Variants in MBNL1 observed in about 807,000 individuals in gnomAD.
The protein encoded by MBNL1 is muscleblind like splicing regulator 1.
In MBNL1, 8 loss-of-function variants were observed where a neutral mutation model predicts 42.2. That is an observed-to-expected ratio of 0.19 (90% CI 0.11 to 0.34). The LOEUF is 0.34. Among genes scored for constraint, MBNL1 ranks in the 10% least tolerant of loss-of-function variants. The pLI is 1.00. For synonymous variants in MBNL1, 169 were observed against 173.9 expected, an observed-to-expected ratio of 0.97 and a Z score of 0.22; for missense variants, 309 against 495.3, an observed-to-expected ratio of 0.62 and a Z score of 3.57.
At chr3:152,405,723 A>G (rs1579699662) in intron 2 of MBNL1, among the ~76,000 whole-genome samples, 2 of 152,156 alleles carry the variant, frequency 1.3e-5, no homozygotes, top group African/African-American at 4.8e-5. Flanking sequence ...GTCATACTGT[A>G]AATCCACCTA....
At chr3:152,290,889 C>T (rs894589850) in intron 1 of MBNL1, among the ~76,000 whole-genome samples, 3 of 152,036 alleles carry the variant, frequency 2.0e-5, no homozygotes, top group East Asian at 3.8e-4. Flanking sequence ...TTGACAGATT[C>T]GGGTTGGGTC....
chr3:152,282,147 G>A (rs921969073), intron 1 of MBNL1, among the ~76,000 whole-genome samples: 2 of 152,102 alleles, frequency 1.3e-5, no homozygotes, highest in East Asian at 1.9e-4. Flanking sequence ...GTGATTCCCT[G>A]TATTGAATAC....
chr3:152,421,011 G>A (rs1228654889), intron 3 of MBNL1, among the ~76,000 whole-genome samples: 2 of 152,114 alleles, frequency 1.3e-5, no homozygotes, highest in Non-Finnish European at 2.9e-5. Context: ...GTGGAAGAAA[G>A]GATATCAGAG....
chr3:152,307,668 G>A (rs1253991233), intron 2 of MBNL1, among the ~76,000 whole-genome samples: 1 of 152,128 alleles, frequency 6.6e-6, no homozygotes, highest in African/African-American at 2.4e-5. Flanking sequence ...ATGTGGACTT[G>A]GAGCCTCGTA....
intron 2 of MBNL1, among the ~76,000 whole-genome samples, chr3:152,304,267 G>A (rs1253742829): frequency 2.0e-5 from 3 of 152,106 alleles, no homozygotes; most frequent in African/African-American, 4.8e-5. Flanking sequence ...TAGTCCCAAA[G>A]GTGGTTATAG....
At chr3:152,257,254 C>A (rs553878635) in intron 2 of MBNL1, among the ~76,000 whole-genome samples, 3 of 152,186 alleles carry the variant, frequency 2.0e-5, no homozygotes, top group African/African-American at 7.2e-5. Context: ...AACCAAGAAG[C>A]AAACCTATTA....
At chr3:152,245,307 A>G (rs998301342) in intron 2 of MBNL1, among the ~76,000 whole-genome samples, 52 of 152,158 alleles carry the variant, frequency 3.4e-4, no homozygotes, top group Non-Finnish European at 1.6e-4. Flanking sequence ...CTTCCTTTTA[A>G]AAGCTGTTGG....
chr3:152,297,014 T>C (rs1333048777), intron 1 of MBNL1, among the ~76,000 whole-genome samples: 1 of 152,102 alleles, frequency 6.6e-6, no homozygotes, highest in Non-Finnish European at 1.5e-5. Context: ...ACGATATGGA[T>C]GGATAGAGAT....
At chr3:152,364,440 A>ATCG (rs2096230387) in intron 2 of MBNL1, among the ~76,000 whole-genome samples, 1 of 152,064 alleles carries the variant, frequency 6.6e-6, no homozygotes, top group East Asian at 1.9e-4. Context: ...AGGAAGGATA[A>ATCG]ATTCATTACA....
intron 3 of MBNL1, among the ~76,000 whole-genome samples, chr3:152,432,003 T>A (rs2153750076): frequency 6.6e-6 from 1 of 152,354 alleles, no homozygotes; most frequent in African/African-American, 2.4e-5. Context: ...CCTTGACCAA[T>A]CATGTAGCAT....
rs192935116 is a variant in MBNL1, at chr3:152,438,484, C to A, written c.549+5564C>A. Among the ~76,000 whole-genome samples, 250 of 152,290 alleles carry A rather than the reference C, an allele frequency of 1.6e-3. 2 individuals carry two copies. The highest frequency in any genetic ancestry group is 0.013 in the Admixed American group (201 of 15,302). On this transcript the variant is annotated intron_variant, in intron 4 of 9. Coordinates refer to ENST00000324210, the MANE Select transcript of MBNL1 (RefSeq NM_021038.5). ...AATGTTTATCATGTGTTAACATTCT[C>A]CTTGGAAACATGTTTGCATTTTGAG...
intron 2 of MBNL1, among the ~76,000 whole-genome samples, chr3:152,390,987 A>G (rs1029228141): frequency 3.3e-5 from 5 of 152,334 alleles, no homozygotes; most frequent in Non-Finnish European, 7.4e-5. Flanking sequence ...AACAACAGCT[A>G]TACTCTACCT....
chr3:152,455,321 GCA>G (rs899469704), intron 6 of MBNL1, among the ~76,000 whole-genome samples: 58 of 152,272 alleles, frequency 3.8e-4, no homozygotes, highest in African/African-American at 1.3e-3. Context: ...AAGTGTACCA[GCA>G]CACAGTTAAA....
chr3:152,359,598 A>G (rs966099147), intron 2 of MBNL1, among the ~76,000 whole-genome samples: 1 of 152,216 alleles, frequency 6.6e-6, no homozygotes, highest in African/African-American at 2.4e-5. Context: ...AGCCAGTGTA[A>G]GCTGGCTCCT....
At chr3:152,248,972 A>G (rs1160930279) in intron 2 of MBNL1, among the ~76,000 whole-genome samples, 4 of 151,858 alleles carry the variant, frequency 2.6e-5, no homozygotes, top group Non-Finnish European at 5.9e-5. Flanking sequence ...GCTGCATAGT[A>G]TTCCATGGTG....
intron 3 of MBNL1, among the ~76,000 whole-genome samples, chr3:152,418,480 C>T (rs1307335357): frequency 1.3e-5 from 2 of 151,760 alleles, no homozygotes; most frequent in African/African-American, 2.4e-5. Context: ...CAAGACCAAC[C>T]TGGGCAACAT....
intron 2 of MBNL1, among the ~76,000 whole-genome samples, chr3:152,246,907 A>G (rs894279743): frequency 1.3e-5 from 2 of 152,096 alleles, no homozygotes; most frequent in African/African-American, 2.4e-5. Context: ...TTGCTCATCT[A>G]TAGAAATAGA....
chr3:152,275,492 C>T (rs565707671), intron 1 of MBNL1, among the ~76,000 whole-genome samples: 5 of 151,982 alleles, frequency 3.3e-5, no homozygotes, highest in Non-Finnish European at 5.9e-5. Context: ...AGGCAGATCA[C>T]GAGGTCAGGA....
chr3:152,399,928 C>A (rs943913615), intron 2 of MBNL1, among the ~76,000 whole-genome samples: 5 of 152,168 alleles, frequency 3.3e-5, no homozygotes, highest in Non-Finnish European at 7.4e-5. Context: ...AGTTTTCCTT[C>A]AGTCCCTGGA....
Sources: gnomAD v4.1 joint callset for allele counts (sites outside exome capture counted in the v4.1 genomes callset) on GRCh38, gnomAD v4.1.1 for gene constraint, MANE v1.5 for transcripts, NCBI Gene and HGNC (gene_info 2026-07-23, HGNC 2026-07-21) for gene names.